The following CELF2 variants were observed in gnomAD, a reference collection of about 807,000 sequenced individuals.
CELF2 encodes the protein CUG triplet repeat RNA-binding protein 2.
A neutral mutation model predicts 62.6 loss-of-function variants in CELF2; 8 were observed. That is an observed-to-expected ratio of 0.13 (90% CI 0.07 to 0.23). CELF2 has a LOEUF of 0.23. Ranked by LOEUF, CELF2 falls within the 10% of genes least tolerant of loss-of-function variation. The probability of loss-of-function intolerance (pLI) is 1.00; values close to 1 mark genes in which losing one functional copy is unlikely to be tolerated. For missense variants in CELF2, 333 were observed against 671.0 expected, an observed-to-expected ratio of 0.50 and a Z score of 5.56; for synonymous variants, 258 against 250.0, an observed-to-expected ratio of 1.03 and a Z score of -0.30.
intron 5 of CELF2, 76 bp downstream of exon 5, chr10:11,257,948 G>C (rs879112223): frequency 6.4e-7 from 1 of 1,557,484 alleles, no homozygotes; most frequent in Admixed American, 1.7e-5. Context: ...ACAGATGTAG[G>C]CACCGCACAC....
the CELF2 span, among the ~76,000 whole-genome samples, chr10:10,469,582 T>C: frequency 6.6e-6 from 1 of 152,090 alleles, no homozygotes; most frequent in Admixed American, 6.6e-5. Context: ...GTGTCTTTTT[T>C]CATGAAAGAT....
At chr10:10,493,266 A>C in the CELF2 span, among the ~76,000 whole-genome samples, 7 of 152,148 alleles carry the variant, frequency 4.6e-5, no homozygotes, top group African/African-American at 1.7e-4. Context: ...GGTGATTGCC[A>C]GGGTCTGGGG....
intron 4 of CELF2, among the ~76,000 whole-genome samples, chr10:11,257,361 A>G (rs1376139576): frequency 6.6e-6 from 1 of 151,146 alleles, no homozygotes; most frequent in Non-Finnish European, 1.5e-5. Context: ...AAAAAACAGA[A>G]TAAAATCTGT....
rs1439452918 is a variant in CELF2 at position 11,255,083 on chromosome 10, G to A, written c.404-2655G>A. Among the ~76,000 whole-genome samples the A allele has an allele frequency of 6.6e-6, 1 of 152,222 alleles. No individual in the cohort carries two copies. Among genetic ancestry groups the A allele is most frequent in the Admixed American group, 6.5e-5 (1 of 15,278 alleles). ...ACACTCGTTGCCCAGGGTATCTGGT[G>A]TCTCTCTGGCTTAGCTGTCGCGCCT... is the stretch of plus-strand genomic sequence containing the variant. On this transcript the variant is annotated intron_variant, in intron 4 of 12. Transcript: ENST00000633077. This position sits in a 1 kb window ranked among gnomAD's most constrained non-coding sequence, Gnocchi z 5.5.
chr10:10,616,209 T>C, the CELF2 span, among the ~76,000 whole-genome samples: 1 of 152,094 alleles, frequency 6.6e-6, no homozygotes, highest in Non-Finnish European at 1.5e-5. Context: ...TGTAGTGACT[T>C]TTACAGATTA....
intron 1 of CELF2, among the ~76,000 whole-genome samples, chr10:11,128,908 C>A (rs1396260480): frequency 6.6e-6 from 1 of 152,164 alleles, no homozygotes; most frequent in African/African-American, 2.4e-5. Flanking sequence ...GAACTTCCAA[C>A]ACTATGTTGA....
chr10:10,897,128 T>A (rs967173109), intron 1 of CELF2, among the ~76,000 whole-genome samples: 1 of 152,186 alleles, frequency 6.6e-6, no homozygotes, highest in African/African-American at 2.4e-5. Flanking sequence ...ATGTTTCTGG[T>A]GAAGGCTCAG....
the CELF2 span, among the ~76,000 whole-genome samples, chr10:10,626,130 A>G: frequency 2.0e-5 from 3 of 152,196 alleles, no homozygotes; most frequent in East Asian, 3.9e-4. Flanking sequence ...TTCACCTTGA[A>G]CTTAATTTCA....
the CELF2 span, among the ~76,000 whole-genome samples, chr10:10,705,589 A>C: frequency 2.0e-5 from 3 of 152,168 alleles, no homozygotes; most frequent in South Asian, 6.2e-4. Context: ...TTACTCATTT[A>C]GCACTTAAGA....
the CELF2 span, chr10:10,776,575 GC>G: frequency 6.4e-6 from 1 of 157,050 alleles, no homozygotes; most frequent in African/African-American, 2.4e-5. Flanking sequence ...GACAAAAGGA[GC>G]CCAATGCGTG....
At chr10:10,609,367 TAGTG>T in the CELF2 span, among the ~76,000 whole-genome samples, 2 of 152,208 alleles carry the variant, frequency 1.3e-5, no homozygotes, top group Non-Finnish European at 2.9e-5. Context: ...CAATAAGTCA[TAGTG>T]AGGCCGGAAT....
chr10:11,206,322 A>G (rs1399274849), intron 2 of CELF2, among the ~76,000 whole-genome samples: 1 of 152,230 alleles, frequency 6.6e-6, no homozygotes, highest in Non-Finnish European at 1.5e-5. Flanking sequence ...ATGTGATTCT[A>G]ACCTACCTCT....
In CELF2 at chr10:11,318,066, A is replaced by T. The variant is rs2095168078; in HGVS notation, c.1097-3123A>T. 6.6e-6 allele frequency: 1 copy of T among 152,262 alleles called. No homozygotes were observed. The highest frequency in any genetic ancestry group is 1.5e-5 in the Non-Finnish European group (1 of 68,066). The allele number at this position is 152,262 out of a possible 1,614,324, so 9.4% of individuals were successfully genotyped here. On this transcript the variant is annotated intron_variant, in intron 10 of 12. Coordinates refer to ENST00000633077, the MANE Select transcript of CELF2 (RefSeq NM_001326342.2). The surrounding 1 kb of genome is among the most constrained non-coding windows in gnomAD (Gnocchi z 5.4). ...TTCTGTTATCCAGAGCTTTTAGAGG[A>T]AATCAAGTGCCTGCAGCTGGGTTGA...
chr10:10,724,205 G>A, the CELF2 span, among the ~76,000 whole-genome samples: 31 of 152,176 alleles, frequency 2.0e-4, no homozygotes, highest in East Asian at 3.1e-3. Flanking sequence ...TAACCATGTC[G>A]CGTTCTTGTC....
At chr10:10,964,064 C>A (rs2136038192) in intron 2 of CELF2, among the ~76,000 whole-genome samples, 1 of 152,176 alleles carries the variant, frequency 6.6e-6, no homozygotes, top group South Asian at 2.1e-4. Flanking sequence ...TATATTAGTA[C>A]AATATTAGCA....
intron 1 of CELF2, among the ~76,000 whole-genome samples, chr10:10,804,755 G>C (rs1484854362): frequency 6.6e-6 from 1 of 152,216 alleles, no homozygotes; most frequent in South Asian, 2.1e-4. Flanking sequence ...CCGAAATGTT[G>C]TAAGTCACTG....
At chr10:11,140,403 ACTCCGT>A (rs2061145757) in intron 1 of CELF2, among the ~76,000 whole-genome samples, 1 of 149,794 alleles carries the variant, frequency 6.7e-6, no homozygotes, top group South Asian at 2.1e-4. Flanking sequence ...ACCATGCCCA[ACTCCGT>A]CTTTAGACAT....
At chr10:11,271,646 A>G (rs892781290) in intron 7 of CELF2, among the ~76,000 whole-genome samples, 1 of 152,078 alleles carries the variant, frequency 6.6e-6, no homozygotes, top group African/African-American at 2.4e-5. Flanking sequence ...TAAGTGCTGG[A>G]CTTCACATTT....
chr10:10,832,479 A>G lies in CELF2; in HGVS notation c.53+33662A>G, dbSNP rs865996461. Among the ~76,000 whole-genome samples the G allele has an allele frequency of 3.3e-5, 5 of 152,300 alleles. No individual in the cohort carries two copies. The Middle Eastern group carries it at 0.014, about 414-fold the overall frequency. ...GAATCATTTTTAAAAGCCAGGAAAT[A>G]GCCCAGGTTCTTCTGCATTTCATGC... On this transcript the variant is annotated intron_variant, in intron 1 of 13. Coordinates refer to the CELF2 transcript ENST00000636488.
Sources: gnomAD v4.1 joint callset for allele counts (sites outside exome capture counted in the v4.1 genomes callset) on GRCh38, gnomAD v4.1.1 for gene constraint, Gnocchi (gnomAD v3.1) non-coding constraint, MANE v1.5 for transcripts, NCBI Gene and HGNC (gene_info 2026-07-23, HGNC 2026-07-21) for gene names.